The following ULK2 variants were observed in gnomAD, a reference collection of about 807,000 sequenced individuals.
ULK2 encodes unc-51 like autophagy activating kinase 2.
Under a neutral mutation model 127.5 loss-of-function variants are expected in ULK2, and 76 were observed. That is an observed-to-expected ratio of 0.60 (90% CI 0.50 to 0.72). The LOEUF (loss-of-function observed/expected upper bound fraction) is 0.72, where lower values mean the gene tolerates loss of function less well. Among genes scored for constraint, ULK2 ranks in the 30% least tolerant of loss-of-function variants. ULK2 has a pLI of 0.00. For synonymous variants in ULK2, 452 were observed against 461.9 expected, an observed-to-expected ratio of 0.98 and a Z score of 0.28; for missense variants, 1,144 against 1,295.9, an observed-to-expected ratio of 0.88 and a Z score of 1.80.
At chr17:19,844,414 T>C (rs1343013665) in intron 7 of ULK2, among the ~76,000 whole-genome samples, 1 of 152,156 alleles carries the variant, frequency 6.6e-6, no homozygotes, top group African/African-American at 2.4e-5. Context: ...ACGCCATCAC[T>C]ACACCCAGCT....
intron 5 of ULK2, among the ~76,000 whole-genome samples, chr17:19,847,470 TAAG>T (rs1389679639): frequency 6.6e-6 from 1 of 152,174 alleles, no homozygotes; most frequent in Non-Finnish European, 1.5e-5. Flanking sequence ...AAAAATACCT[TAAG>T]AATAAATGTT....
At chr17:19,828,365 T>C (rs911363154) in intron 10 of ULK2, among the ~76,000 whole-genome samples, 10 of 152,292 alleles carry the variant, frequency 6.6e-5, no homozygotes, top group Middle Eastern at 6.8e-3. Context: ...TAAAATCCAA[T>C]AGTACTGTAA....
chr17:19,866,464 C>T (rs1236172318), intron 1 of ULK2, among the ~76,000 whole-genome samples: 1 of 152,108 alleles, frequency 6.6e-6, no homozygotes, highest in Non-Finnish European at 1.5e-5. Flanking sequence ...GCGGAGATCT[C>T]GCCACGGCAC....
intron 12 of ULK2, among the ~76,000 whole-genome samples, chr17:19,823,126 A>T (rs1235045892): frequency 3.3e-3 from 376 of 113,076 alleles, no homozygotes; most frequent in Admixed American, 5.4e-3. Flanking sequence ...ACGCCTGGCT[A>T]TTTTTTTTTT....
At chr17:19,853,863 G>A (rs563146166) in intron 3 of ULK2, among the ~76,000 whole-genome samples, 14 of 151,768 alleles carry the variant, frequency 9.2e-5, no homozygotes, top group African/African-American at 3.1e-4. Flanking sequence ...GAGCCACCAC[G>A]CCCGGCCAAG....
chr17:19,851,042 G>C (rs961402003), intron 3 of ULK2, among the ~76,000 whole-genome samples: 1 of 151,908 alleles, frequency 6.6e-6, no homozygotes, highest in Non-Finnish European at 1.5e-5. Flanking sequence ...GCCGGGTACA[G>C]TGGCTCATGC....
At chr17:19,777,550 A>C in intron 26 of ULK2, 31 bp downstream of exon 26, 1 of 1,578,930 alleles carries the variant, frequency 6.3e-7, no homozygotes, top group South Asian at 1.2e-5. Context: ...AAATGAAGTA[A>C]AAAAATACAC....
At position 19,837,623 on chromosome 17, in the gene ULK2, T is replaced by C. The variant is rs141465734; in HGVS notation, c.787+878A>G. ...CTATCCATATAGTCTTTCCCATCAC[T>C]GTAATCGACAACATCCTTTCAGCTG... On this transcript the variant is annotated intron_variant, in intron 10 of 26. Transcript: ENST00000395544. Among the ~76,000 whole-genome samples, 324 of 152,288 alleles carry C rather than the reference T, an allele frequency of 2.1e-3. 1 individual carries two copies. Among genetic ancestry groups the C allele is most frequent in the African/African-American group, 7.5e-3 (311 of 41,546 alleles).
chr17:19,838,980 G>A (rs367780936), intron 9 of ULK2, among the ~76,000 whole-genome samples: 7 of 150,542 alleles, frequency 4.6e-5, no homozygotes, highest in Non-Finnish European at 7.4e-5. Context: ...GCAGTGAGCC[G>A]AGATCATGCC....
At chr17:19,845,194 A>T in intron 7 of ULK2, 110 bp downstream of exon 7, 1 of 955,984 alleles carries the variant, frequency 1.0e-6, no homozygotes, top group Non-Finnish European at 1.6e-6. Flanking sequence ...AGTAATAACA[A>T]CTTGGACTAT....
intron 25 of ULK2, among the ~76,000 whole-genome samples, chr17:19,779,985 C>T (rs1400868264): frequency 1.3e-5 from 2 of 151,926 alleles, no homozygotes; most frequent in African/African-American, 4.8e-5. Context: ...ACCACCCTGG[C>T]CAACATGGCA....
chr17:19,842,755 G>C (rs2041795709), intron 8 of ULK2, among the ~76,000 whole-genome samples: 1 of 152,038 alleles, frequency 6.6e-6, no homozygotes, highest in African/African-American at 2.4e-5. Context: ...TAGAGAGCTA[G>C]AGATGGTTTC....
chr17:19,842,143 A>G (rs1021536640), intron 8 of ULK2, among the ~76,000 whole-genome samples: 2 of 151,852 alleles, frequency 1.3e-5, no homozygotes, highest in African/African-American at 2.4e-5. Context: ...AAACTAGACT[A>G]AGAAATTAAA....
rs922158805 is a variant in ULK2 at position 19,867,909 on chromosome 17, C to T, written c.-492G>A. On this transcript the variant is annotated 5_prime_UTR_variant, in exon 1 of 27. Transcript: ENST00000395544. ...GCCTCGCGGCGGCGCCCAACGCCCTCGCGCGCGCTACCCGCTCCCGCGCGA... is the reference window on the plus strand; with the variant it reads ...GCCTCGCGGCGGCGCCCAACGCCCTTGCGCGCGCTACCCGCTCCCGCGCGA... 1 of 151,236 alleles carries T rather than the reference C, an allele frequency of 6.6e-6. No homozygotes were observed. Among genetic ancestry groups the T allele is most frequent in the African/African-American group, 2.4e-5 (1 of 41,316 alleles). The allele number at this position is 151,236 out of a possible 1,614,324, so 9.4% of individuals were successfully genotyped here. A position where few individuals can be genotyped will look rare whatever the true frequency, so the allele number is the denominator to read the frequency against.
intron 10 of ULK2, among the ~76,000 whole-genome samples, chr17:19,832,070 G>A (rs1233187576): frequency 1.3e-5 from 2 of 151,836 alleles, no homozygotes; most frequent in South Asian, 2.1e-4. Context: ...GGAGGTTGCA[G>A]TGAGCCAAGA....
Position 19,795,654 on chromosome 17 carries a change from T to C in ULK2, c.2069A>G (p.Asp690Gly), listed in dbSNP as rs1450508015. 1.2e-6 allele frequency: 2 copies of C among 1,614,114 alleles called. No homozygotes were observed. The highest frequency in any genetic ancestry group is 1.1e-5 in the South Asian group (1 of 91,076). Reference protein sequence around the residue: ...TPICRHQGSTDSLNTERPMDI... With the variant: ...TPICRHQGSTGSLNTERPMDI... ...CATTGGTCGTTCTGTATTTAAACTG[T>C]CTGTGCTGCCCTGATGTCGACATAT... The change falls in exon 20 of 27, where the codon GAC becomes GGC. Residue 690 changes from aspartate (D) to glycine (G), a missense_variant. By Grantham distance (94) the Asp-to-Gly change is moderately conservative. Around this residue, in one of 2 missense-constraint regions of ULK2, gnomAD observed 913 missense variants for 970.5 expected, o/e 0.94. Transcript: ENST00000395544.
chr17:19,855,649 C>T (rs1304267912), intron 3 of ULK2: 2 of 150,860 alleles, frequency 1.3e-5, no homozygotes, highest in African/African-American at 4.9e-5. Context: ...AAGACCCCCC[C>T]ACAAAAATAC....
intron 12 of ULK2, 85 bp from the exon 13 acceptor site, chr17:19,817,005 TC>T (rs1259045537): frequency 1.4e-5 from 17 of 1,222,320 alleles, no homozygotes; most frequent in East Asian, 2.9e-5. Context: ...TTTTTTTTTT[TC>T]CCCCACAAAA....
At chr17:19,776,546 T>C (rs2086815256) in intron 26 of ULK2, 139 bp from the exon 27 acceptor site, 1 of 821,006 alleles carries the variant, frequency 1.2e-6, no homozygotes. Flanking sequence ...ATATGACTTC[T>C]AGCTTAGTGC....
Sources: gnomAD v4.1 joint callset for allele counts (sites outside exome capture counted in the v4.1 genomes callset) on GRCh38, gnomAD v4.1.1 for gene constraint, gnomAD v4.1.1 regional missense constraint, MANE v1.5 for transcripts, NCBI Gene and HGNC (gene_info 2026-07-23, HGNC 2026-07-21) for gene names.